GLG1: variants seen among roughly 807,000 people sequenced by gnomAD.
The protein encoded by GLG1 is Golgi apparatus protein 1.
A neutral mutation model predicts 160.5 loss-of-function variants in GLG1; 38 were observed. The observed-to-expected ratio is 0.24, with a 90% CI of 0.18 to 0.31. The LOEUF is 0.31. Ranked by LOEUF, GLG1 falls within the 10% of genes least tolerant of loss-of-function variation. The pLI is 1.00. For synonymous variants in GLG1, 644 were observed against 543.4 expected (o/e 1.19, Z -2.57); for missense variants, 1,373 against 1,505.2 (o/e 0.91, Z 1.45).
At chr16:74,458,895 A>T (rs997929893) in intron 23 of GLG1, among the ~76,000 whole-genome samples, 2 of 152,182 alleles carry the variant, frequency 1.3e-5, no homozygotes, top group Non-Finnish European at 2.9e-5. Context: ...TTTATACATA[A>T]GGGAACTATG....
chr16:74,499,770 G>A (rs991050349), intron 4 of GLG1, among the ~76,000 whole-genome samples: 5 of 152,134 alleles, frequency 3.3e-5, no homozygotes, highest in African/African-American at 4.8e-5. Context: ...TTGGGAGGCC[G>A]AGGCAGGTGG....
intron 10 of GLG1, among the ~76,000 whole-genome samples, chr16:74,482,671 C>T (rs917421854): frequency 1.3e-5 from 2 of 152,272 alleles, no homozygotes; most frequent in East Asian, 3.9e-4. Context: ...AATAAAAATA[C>T]AACTGCACTA....
intron 24 of GLG1, among the ~76,000 whole-genome samples, chr16:74,457,031 T>C (rs868682572): frequency 1.3e-5 from 2 of 152,210 alleles, no homozygotes; most frequent in Admixed American, 6.5e-5. Context: ...CTTGGGAAGC[T>C]GAGGCAGGAG....
intron 13 of GLG1, 54 bp downstream of exon 13, chr16:74,474,492 G>A: frequency 1.2e-6 from 1 of 856,110 alleles, no homozygotes; most frequent in African/African-American, 1.6e-5. Flanking sequence ...AAACACAAAA[G>A]GCCAGGATGC....
intron 2 of GLG1, among the ~76,000 whole-genome samples, chr16:74,512,605 C>G (rs530931806): frequency 6.6e-6 from 1 of 151,806 alleles, no homozygotes; most frequent in Admixed American, 6.6e-5. Context: ...TCTGTTCATC[C>G]ATCCCAAACG....
At chr16:74,596,437 G>C (rs1160125404) in intron 1 of GLG1, among the ~76,000 whole-genome samples, 1 of 151,822 alleles carries the variant, frequency 6.6e-6, no homozygotes, top group Non-Finnish European at 1.5e-5. Context: ...GCTGAGGCAG[G>C]AGAATTGCTT....
At chr16:74,568,561 T>C (rs745335229) in intron 1 of GLG1, among the ~76,000 whole-genome samples, 2 of 151,882 alleles carry the variant, frequency 1.3e-5, no homozygotes, top group East Asian at 1.9e-4. Context: ...GTGATTACAG[T>C]TGCACACCAC....
At chr16:74,604,127 T>C (rs949520687) in intron 1 of GLG1, among the ~76,000 whole-genome samples, 1 of 152,156 alleles carries the variant, frequency 6.6e-6, no homozygotes, top group Non-Finnish European at 1.5e-5. Flanking sequence ...AGACTGAGGC[T>C]GCAGTGAGCT....
In GLG1 at chr16:74,483,003, T is replaced by G. The variant is rs1426571614; in HGVS notation, c.1673+20A>C. The G allele has an allele frequency of 6.1e-6, 8 of 1,307,646 alleles. No individual in the cohort carries two copies. Among genetic ancestry groups the G allele is most frequent in the Middle Eastern group, 1.8e-4 (1 of 5,528 alleles). The allele number at this position is 1,307,646 out of a possible 1,614,324, so 81.0% of individuals were successfully genotyped here. A position where few individuals can be genotyped will look rare whatever the true frequency, so the allele number is the denominator to read the frequency against. ...GAAGAGGCTGAGGCAATACATTTACTTTGGCTTCAAAATACTCACTTCCAA... is the reference window on the plus strand; with the variant it reads ...GAAGAGGCTGAGGCAATACATTTACGTTGGCTTCAAAATACTCACTTCCAA... On this transcript the variant is annotated intron_variant, in intron 10 of 25. Coordinates refer to ENST00000422840, the MANE Select transcript of GLG1 (RefSeq NM_001145667.2).
chr16:74,572,582 T>A (rs1243723762), intron 1 of GLG1, among the ~76,000 whole-genome samples: 1 of 149,600 alleles, frequency 6.7e-6, no homozygotes, highest in African/African-American at 2.5e-5. Flanking sequence ...GTCTTCCAGA[T>A]AACTGGACAC....
Position 74,477,426 on chromosome 16 carries a change from T to G in GLG1, c.1935A>C (p.Lys645Asn). The change falls in exon 12 of 26, where the codon AAA (lysine) becomes AAC (asparagine). Residue 645 changes from lysine (K) to asparagine (N), a missense_variant. This residue lies in a region of GLG1 where 386 missense variants were observed against 388.5 expected (regional missense o/e 0.99). Coordinates refer to ENST00000422840, the MANE Select transcript of GLG1 (RefSeq NM_001145667.2). ...LQDKCLIDLG[K>N]WCSEKTETGQ... ...CAGTCTCTGTTTTCTCACTGCACCA[T>G]TTTCCCAGATCAATCAGGCACTTAT... 1 of 1,610,502 alleles carries G rather than the reference T, an allele frequency of 6.2e-7. No homozygotes were observed. The highest frequency in any genetic ancestry group is 8.5e-7 in the Non-Finnish European group (1 of 1,176,698).
rs989957496 is a variant in GLG1, at chr16:74,524,362, A to G, written c.471+7759T>C. Among the ~76,000 whole-genome samples the G allele has an allele frequency of 9.2e-5, 14 of 152,316 alleles. 2 individuals are homozygous for G. On this transcript the variant is annotated intron_variant, in intron 2 of 25. Transcript: ENST00000422840. Reference sequence around the variant, plus strand: ...GCCAATCTTGGGTAGAAAGCTGTTAATATTTCACCATGAAGTACGATGCTT... The same window carrying G: ...GCCAATCTTGGGTAGAAAGCTGTTAGTATTTCACCATGAAGTACGATGCTT...
intron 1 of GLG1, among the ~76,000 whole-genome samples, chr16:74,582,549 G>T (rs1020865890): frequency 3.9e-5 from 6 of 152,046 alleles, no homozygotes; most frequent in African/African-American, 1.4e-4. Flanking sequence ...TGCCGGGCGT[G>T]GGGGCTCACG....
At chr16:74,545,331 C>A (rs558267648) in intron 1 of GLG1, among the ~76,000 whole-genome samples, 3 of 152,222 alleles carry the variant, frequency 2.0e-5, no homozygotes, top group Admixed American at 2.0e-4. Context: ...CAGGTGCATG[C>A]CACTACACCT....
chr16:74,475,691 G>C (rs2015370272), intron 12 of GLG1, among the ~76,000 whole-genome samples: 1 of 152,136 alleles, frequency 6.6e-6, no homozygotes, highest in Non-Finnish European at 1.5e-5. Flanking sequence ...TCTTAGCAAA[G>C]TGCTCTGTTA....
intron 20 of GLG1, chr16:74,463,126 T>C: frequency 1.8e-6 from 1 of 548,824 alleles, no homozygotes; most frequent in East Asian, 3.0e-5. Flanking sequence ...TGATTCCTTC[T>C]GAACGTTCTT....
chr16:74,457,046 C>T (rs1242842154), intron 24 of GLG1, among the ~76,000 whole-genome samples: 1 of 152,042 alleles, frequency 6.6e-6, no homozygotes, highest in Non-Finnish European at 1.5e-5. Flanking sequence ...CAGGAGGATC[C>T]CTTGAGCCCA....
At chr16:74,546,837 C>CAAAAAAAAAAAA (rs71376218) in intron 1 of GLG1, among the ~76,000 whole-genome samples, 694 of 59,574 alleles carry the variant, frequency 0.012, 68 homozygotes, top group Admixed American at 0.014. Context: ...GACTCCATCT[C>CAAAAAAAAAAAA]AAAAAAAAAA....
At chr16:74,551,251 G>A (rs2018190160) in intron 1 of GLG1, among the ~76,000 whole-genome samples, 1 of 152,012 alleles carries the variant, frequency 6.6e-6, no homozygotes, top group Non-Finnish European at 1.5e-5. Flanking sequence ...CTGGCAAAAT[G>A]GGTTTTATGA....
Sources: allele counts gnomAD v4.1 joint callset (sites outside exome capture counted in the v4.1 genomes callset), GRCh38; gene constraint gnomAD v4.1.1; regional missense constraint gnomAD v4.1.1; transcripts MANE v1.5; gene names NCBI Gene and HGNC (gene_info 2026-07-23, HGNC 2026-07-21).